Variants in KCNIP4 observed in about 807,000 individuals in gnomAD.
The protein encoded by KCNIP4 is Kv channel-interacting protein 4.
In KCNIP4, 12 loss-of-function variants were observed where a neutral mutation model predicts 34.0. The ratio of observed to expected loss-of-function variants is 0.35; its 90% CI spans 0.23 to 0.57. KCNIP4 has a LOEUF of 0.57. Among genes scored for constraint, KCNIP4 ranks in the 20% least tolerant of loss-of-function variants. The pLI is 0.83. For synonymous variants in KCNIP4, 124 were observed against 102.2 expected (o/e 1.21, Z -1.29); for missense variants, 238 against 311.7 (o/e 0.76, Z 1.78).
At chr4:21,316,108 C>T (rs1425601772) in intron 1 of KCNIP4, among the ~76,000 whole-genome samples, 1 of 152,178 alleles carries the variant, frequency 6.6e-6, no homozygotes, top group Non-Finnish European at 1.5e-5. Flanking sequence ...TGGGTGGAGG[C>T]TTTCATGAGC....
At chr4:21,580,856 C>T (rs556955564) in intron 1 of KCNIP4, among the ~76,000 whole-genome samples, 19 of 152,052 alleles carry the variant, frequency 1.2e-4, no homozygotes, top group South Asian at 4.1e-4. Context: ...AGTATTGCAA[C>T]GAAGAATGGA....
At chr4:20,999,006 G>T (rs889082320) in intron 1 of KCNIP4, among the ~76,000 whole-genome samples, 2 of 152,162 alleles carry the variant, frequency 1.3e-5, no homozygotes, top group East Asian at 1.9e-4. Flanking sequence ...AAAATAAAGA[G>T]GCAGTTATTA....
intron 1 of KCNIP4, among the ~76,000 whole-genome samples, chr4:21,143,854 C>A (rs997515793): frequency 6.8e-6 from 1 of 147,652 alleles, no homozygotes; most frequent in Non-Finnish European, 1.5e-5. Context: ...AGGCACCCAC[C>A]ACCATGCCCA....
intron 1 of KCNIP4, among the ~76,000 whole-genome samples, chr4:21,008,593 G>C (rs1382026907): frequency 6.6e-6 from 1 of 151,328 alleles, no homozygotes; most frequent in Non-Finnish European, 1.5e-5. Flanking sequence ...GTGCGATCTC[G>C]GCTCACTGCA....
chr4:21,069,008 C>T (rs1410695521), intron 1 of KCNIP4, among the ~76,000 whole-genome samples: 1 of 152,162 alleles, frequency 6.6e-6, no homozygotes, highest in East Asian at 1.9e-4. Flanking sequence ...CTTAACCTAT[C>T]TGTGCCTGAG....
At chr4:21,467,605 TA>T (rs1410482207) in intron 1 of KCNIP4, among the ~76,000 whole-genome samples, 1 of 152,120 alleles carries the variant, frequency 6.6e-6, no homozygotes, top group Non-Finnish European at 1.5e-5. Context: ...CATTCTCAGA[TA>T]GAGCATCTCA....
At chr4:21,752,590 A>G (rs1014956285) in intron 1 of KCNIP4, among the ~76,000 whole-genome samples, 3 of 152,174 alleles carry the variant, frequency 2.0e-5, no homozygotes, top group Non-Finnish European at 4.4e-5. Context: ...AGAGGAAGAA[A>G]AAAAAGGGAG....
intron 5 of KCNIP4, among the ~76,000 whole-genome samples, chr4:20,737,177 G>A (rs1266948488): frequency 1.3e-5 from 2 of 152,182 alleles, no homozygotes; most frequent in Non-Finnish European, 2.9e-5. Context: ...AAAGCCACAA[G>A]GAATTCCAAT....
intron 1 of KCNIP4, among the ~76,000 whole-genome samples, chr4:21,278,212 C>A (rs1560245184): frequency 6.6e-6 from 1 of 152,018 alleles, no homozygotes; most frequent in Non-Finnish European, 1.5e-5. Flanking sequence ...TCTTTGTTAA[C>A]TTTTATTTTA....
At chr4:21,906,767 C>T (rs932925357) in intron 1 of KCNIP4, among the ~76,000 whole-genome samples, 1 of 152,108 alleles carries the variant, frequency 6.6e-6, no homozygotes. Flanking sequence ...GCATACCCTG[C>T]CCTGATAACA....
At chr4:21,103,973 C>T (rs1748226407) in intron 1 of KCNIP4, among the ~76,000 whole-genome samples, 1 of 151,990 alleles carries the variant, frequency 6.6e-6, no homozygotes, top group African/African-American at 2.4e-5. Flanking sequence ...TTTTCTTAAT[C>T]CAGTCTATCA....
At chr4:20,974,852 T>C (rs992068952) in intron 1 of KCNIP4, among the ~76,000 whole-genome samples, 15 of 152,336 alleles carry the variant, frequency 9.8e-5, no homozygotes, top group African/African-American at 3.1e-4. Flanking sequence ...CTTTCTTTCC[T>C]GGATGATTGA....
At position 20,729,157 on chromosome 4, in the gene KCNIP4, AG is replaced by A. The variant is rs1332844800; in HGVS notation, c.*924del. 1 of 152,498 alleles carries A rather than the reference AG, an allele frequency of 6.6e-6. No homozygotes were observed. Among genetic ancestry groups the A allele is most frequent in the African/African-American group, 2.4e-5 (1 of 41,378 alleles). The allele number at this position is 152,498 out of a possible 1,614,324, so 9.4% of individuals were successfully genotyped here. A position where few individuals can be genotyped will look rare whatever the true frequency, so the allele number is the denominator to read the frequency against. On this transcript the variant is annotated 3_prime_UTR_variant, in exon 9 of 9. Transcript: ENST00000382152. ...TTGTAATATAAATAAACATGCTGTA[AG>A]GAAGTCAGGGGAAAGAGGACAGATT... is the stretch of plus-strand genomic sequence containing the variant.
intron 1 of KCNIP4, among the ~76,000 whole-genome samples, chr4:21,350,240 G>T (rs1354310894): frequency 6.6e-6 from 1 of 152,110 alleles, no homozygotes; most frequent in Admixed American, 6.5e-5. Context: ...CTTGAGTCAT[G>T]CTCTATCATT....
chr4:21,773,098 A>G (rs1197162913), intron 1 of KCNIP4, among the ~76,000 whole-genome samples: 1 of 152,182 alleles, frequency 6.6e-6, no homozygotes, highest in Non-Finnish European at 1.5e-5. Context: ...GCTGTGTCCC[A>G]GAGATTTTGG....
intron 1 of KCNIP4, among the ~76,000 whole-genome samples, chr4:21,517,813 G>A (rs975409097): frequency 1.3e-5 from 2 of 152,134 alleles, no homozygotes; most frequent in African/African-American, 4.8e-5. Context: ...CACCACTAGT[G>A]CACCTGTGCT....
intron 1 of KCNIP4, among the ~76,000 whole-genome samples, chr4:21,570,792 T>C (rs1740308553): frequency 6.6e-6 from 1 of 152,188 alleles, no homozygotes; most frequent in Non-Finnish European, 1.5e-5. Context: ...GTTTATCCAG[T>C]ACTCAATATA....
At chr4:20,941,165 A>G (rs982834413) in intron 1 of KCNIP4, among the ~76,000 whole-genome samples, 2 of 152,238 alleles carry the variant, frequency 1.3e-5, no homozygotes, top group African/African-American at 4.8e-5. Context: ...TCAGTATTTA[A>G]CTATTTGCAT....
At chr4:21,116,012 G>C (rs891003684) in intron 1 of KCNIP4, among the ~76,000 whole-genome samples, 1 of 152,136 alleles carries the variant, frequency 6.6e-6, no homozygotes, top group Non-Finnish European at 1.5e-5. Flanking sequence ...TGAAGGCGAT[G>C]GTTTCGGAAT....
Sources: allele counts gnomAD v4.1 joint callset (sites outside exome capture counted in the v4.1 genomes callset), GRCh38; gene constraint gnomAD v4.1.1; transcripts MANE v1.5; gene names NCBI Gene and HGNC (gene_info 2026-07-23, HGNC 2026-07-21).